Variants in TBC1D5 observed in about 807,000 individuals in gnomAD.
TBC1D5 encodes TBC1 domain family, member 5.
In TBC1D5, 75 loss-of-function variants were observed where a neutral mutation model predicts 100.3. The ratio of observed to expected loss-of-function variants is 0.75; its 90% CI spans 0.62 to 0.91. The LOEUF (loss-of-function observed/expected upper bound fraction) is 0.91, where lower values mean the gene tolerates loss of function less well. TBC1D5 is among the 40% of genes least tolerant of loss of function. The pLI is 0.00. For missense variants in TBC1D5, 910 were observed against 942.4 expected (o/e 0.97, Z 0.45); for synonymous variants, 323 against 325.6 (o/e 0.99, Z 0.09).
chr3:17,396,597 T>A (rs1166238658), intron 8 of TBC1D5, among the ~76,000 whole-genome samples: 2 of 151,390 alleles, frequency 1.3e-5, no homozygotes, highest in Non-Finnish European at 2.9e-5. Flanking sequence ...AAAAAAAAAA[T>A]CAATAAATTA....
intron 13 of TBC1D5, among the ~76,000 whole-genome samples, chr3:17,363,112 C>T (rs74788306): frequency 0.016 from 2,400 of 152,044 alleles, 25 homozygotes; most frequent in Non-Finnish European, 0.026. Flanking sequence ...TATTTCCTGC[C>T]TTCTACTTTT....
chr3:17,527,506 T>C lies in TBC1D5; in HGVS notation c.-35-18901A>G, dbSNP rs531993463. On this transcript the variant is annotated intron_variant, in intron 2 of 21. Coordinates refer to ENST00000253692, the Ensembl canonical transcript of TBC1D5. ...GCTTTTGAGCAAGGGTGTGACATGA[T>C]ATGATCTATTCTTTAGAAAGATCAC... 2.6e-5 allele frequency among the ~76,000 whole-genome samples: 4 copies of C among 152,310 alleles called. No individual in the cohort carries two copies. The South Asian group carries it at 8.3e-4, about 32-fold the overall frequency.
At chr3:17,307,843 A>G (rs2083554937) in intron 14 of TBC1D5, 149 bp downstream of exon 14, 1 of 926,710 alleles carries the variant, frequency 1.1e-6, no homozygotes, top group African/African-American at 1.7e-5. Context: ...TGTTTAGTAT[A>G]TTCCTTTGAA....
At position 17,221,701 on chromosome 3, in the gene TBC1D5, T is replaced by C. The variant is rs960056007; in HGVS notation, c.1589-7331A>G. 8.5e-5 allele frequency among the ~76,000 whole-genome samples: 13 copies of C among 152,270 alleles called. No homozygotes were observed. The East Asian group carries it at 2.3e-3, about 27-fold the overall frequency. On this transcript the variant is annotated intron_variant, in intron 17 of 21. Coordinates refer to ENST00000253692, the Ensembl canonical transcript of TBC1D5. ...TAGGGGAATGAGGACCTTGGTCCTA[T>C]AGGTAAAAGGAACTGAATTCTGCCA...
At chr3:17,267,789 A>C (rs960327719) in intron 15 of TBC1D5, among the ~76,000 whole-genome samples, 5 of 152,138 alleles carry the variant, frequency 3.3e-5, no homozygotes, top group Admixed American at 1.3e-4. Context: ...AAGGTCCTGC[A>C]CATGAAGCCT....
chr3:17,316,097 G>C (rs1237727173), intron 13 of TBC1D5, among the ~76,000 whole-genome samples: 1 of 152,164 alleles, frequency 6.6e-6, no homozygotes, highest in Non-Finnish European at 1.5e-5. Flanking sequence ...TCTTATCTGG[G>C]TCAGAGTTCT....
At chr3:17,241,789 T>C (rs1331871725) in intron 16 of TBC1D5, among the ~76,000 whole-genome samples, 1 of 152,164 alleles carries the variant, frequency 6.6e-6, no homozygotes, top group Non-Finnish European at 1.5e-5. Flanking sequence ...AATTTCTGTG[T>C]TGTGTTAATT....
intron 1 of TBC1D5, among the ~76,000 whole-genome samples, chr3:17,659,849 C>T (rs2066474312): frequency 6.6e-6 from 1 of 152,050 alleles, no homozygotes; most frequent in Non-Finnish European, 1.5e-5. Context: ...CCAGTACTCT[C>T]ATTCTCAGTC....
intron 15 of TBC1D5, among the ~76,000 whole-genome samples, chr3:17,262,664 G>A (rs2078432269): frequency 1.3e-5 from 2 of 151,632 alleles, no homozygotes; most frequent in Non-Finnish European, 2.9e-5. Flanking sequence ...TGTATTTTTA[G>A]TAGAGATGAG....
chr3:17,535,028 A>C (rs558389545), intron 2 of TBC1D5, among the ~76,000 whole-genome samples: 1 of 152,292 alleles, frequency 6.6e-6, no homozygotes, highest in South Asian at 2.1e-4. Flanking sequence ...TTTTTAATTC[A>C]CCTAACTACT....
intron 3 of TBC1D5, among the ~76,000 whole-genome samples, chr3:17,462,744 G>A (rs1394301762): frequency 6.6e-6 from 1 of 152,154 alleles, no homozygotes; most frequent in Non-Finnish European, 1.5e-5. Context: ...TGTATGAACT[G>A]AAGCAGATCT....
rs185751692 is a variant in TBC1D5 at position 17,335,523 on chromosome 3, T to C, written c.996-27389A>G. ...ACCACAACATCCAGACTAAAAAACATTTAAAAAATTTCCTTGGTGATAATT... is the reference window on the plus strand; with the variant it reads ...ACCACAACATCCAGACTAAAAAACACTTAAAAAATTTCCTTGGTGATAATT... On this transcript the variant is annotated intron_variant, in intron 13 of 21. Transcript: ENST00000253692. Among the ~76,000 whole-genome samples the C allele has an allele frequency of 2.0e-3, 301 of 152,188 alleles. 5 individuals carry two copies. Among genetic ancestry groups the C allele is most frequent in the Non-Finnish European group, 9.6e-4 (65 of 67,982 alleles).
chr3:17,297,778 G>A (rs2082412084), intron 14 of TBC1D5, among the ~76,000 whole-genome samples: 2 of 150,524 alleles, frequency 1.3e-5, no homozygotes, highest in Non-Finnish European at 1.5e-5. Flanking sequence ...TAATTGAGAC[G>A]GGGGTCCCAC....
chr3:17,618,916 C>CA (rs2062417570), intron 2 of TBC1D5, among the ~76,000 whole-genome samples: 1 of 152,194 alleles, frequency 6.6e-6, no homozygotes, highest in Admixed American at 6.5e-5. Context: ...ACCCACTGTC[C>CA]AACCAGTCCC....
chr3:17,167,025 C>A, intron 20 of TBC1D5, 97 bp from the exon 22 acceptor site: 1 of 1,147,620 alleles, frequency 8.7e-7, no homozygotes, highest in South Asian at 2.1e-5. Flanking sequence ...GCCTTGTCAT[C>A]AATCATTTTT....
intron 1 of TBC1D5, among the ~76,000 whole-genome samples, chr3:17,631,219 A>G (rs1350344537): frequency 6.6e-6 from 1 of 152,204 alleles, no homozygotes; most frequent in Non-Finnish European, 1.5e-5. Context: ...ACAGAACATC[A>G]AAACAGCCAC....
chr3:17,159,088 A>ACACT (rs2065823712), exon 22 of TBC1D5: 1 of 152,214 alleles, frequency 6.6e-6, no homozygotes, highest in South Asian at 2.1e-4. Flanking sequence ...GCTGAGAGGA[A>ACACT]CACTCAGAGC....
At chr3:17,701,790 G>A (rs1360267251) in intron 1 of TBC1D5, among the ~76,000 whole-genome samples, 1 of 151,804 alleles carries the variant, frequency 6.6e-6, no homozygotes, top group African/African-American at 2.4e-5. Flanking sequence ...TTCCTTAACA[G>A]TTTAAAGGCT....
chr3:17,719,866 T>C (rs1286684228), intron 1 of TBC1D5, among the ~76,000 whole-genome samples: 6 of 152,212 alleles, frequency 3.9e-5, no homozygotes, highest in African/African-American at 1.2e-4. Context: ...ATGTGTTTTA[T>C]AGTGTCTTTT....
Sources: allele counts gnomAD v4.1 joint callset (sites outside exome capture counted in the v4.1 genomes callset), GRCh38; gene constraint gnomAD v4.1.1; transcripts MANE v1.5; gene names NCBI Gene and HGNC (gene_info 2026-07-23, HGNC 2026-07-21).